Variants in TACC2 observed in about 807,000 individuals in gnomAD.
TACC2 encodes transforming acidic coiled-coil containing protein 2.
In TACC2, 137 loss-of-function variants were observed where a neutral mutation model predicts 227.3. The observed-to-expected ratio is 0.60, with a 90% CI of 0.52 to 0.69. The LOEUF (loss-of-function observed/expected upper bound fraction) is 0.69. Ranked by LOEUF, TACC2 falls within the 30% of genes least tolerant of loss-of-function variation. The pLI, the probability that TACC2 is intolerant of heterozygous loss-of-function variation, is 0.00. For missense variants in TACC2, 3,470 were observed against 3,694.4 expected, an observed-to-expected ratio of 0.94 and a Z score of 1.57; for synonymous variants, 1,523 against 1,487.5, an observed-to-expected ratio of 1.02 and a Z score of -0.55.
chr10:122,102,970 G>A (rs942224754), intron 5 of TACC2, among the ~76,000 whole-genome samples: 3 of 152,092 alleles, frequency 2.0e-5, no homozygotes, highest in Non-Finnish European at 2.9e-5. Context: ...ATGCCTCCTC[G>A]CCCTGTAACC....
chr10:122,031,830 G>C (rs1294126620), intron 2 of TACC2, among the ~76,000 whole-genome samples: 1 of 152,054 alleles, frequency 6.6e-6, no homozygotes, highest in Non-Finnish European at 1.5e-5. Flanking sequence ...TCAGCCTCCC[G>C]AGTAGCTGGG....
At chr10:122,185,668 G>T (rs2094162008) in intron 7 of TACC2, among the ~76,000 whole-genome samples, 1 of 152,206 alleles carries the variant, frequency 6.6e-6, no homozygotes, top group African/African-American at 2.4e-5. Context: ...TAATGTGCAG[G>T]ATCCTTTAGT....
In TACC2 at chr10:122,050,420, C is replaced by A; in HGVS notation, c.34-18C>A. On this transcript the variant is annotated intron_variant, in intron 2 of 22. Coordinates refer to ENST00000369005, the MANE Select transcript of TACC2 (RefSeq NM_206862.4). This position sits in a 1 kb window ranked among gnomAD's most constrained non-coding sequence, Gnocchi z 4.6. ...TCCTATCTGATTTCCTTTCCAATTT[C>A]TTTTTCTCCTGGCTCAGAGGACTTT... 6.2e-7 allele frequency: 1 copy of A among 1,600,934 alleles called. No homozygotes were observed. Among genetic ancestry groups the A allele is most frequent in the Non-Finnish European group, 8.5e-7 (1 of 1,170,552 alleles).
chr10:121,993,063 TA>T (rs1424837221), intron 1 of TACC2, among the ~76,000 whole-genome samples: 28 of 152,086 alleles, frequency 1.8e-4, no homozygotes, highest in African/African-American at 6.8e-4. Context: ...CTCACACCTG[TA>T]ATCCCAGCAC....
At position 122,210,871 on chromosome 10, in the gene TACC2, C is replaced by G. The variant is rs183608136; in HGVS notation, c.6446C>G (p.Pro2149Arg). Residue 2149 changes from proline (P) to arginine (R), a missense_variant, in exon 9 of 23, where the codon CCA (proline) becomes CGA (arginine). Around this residue, in one of 10 missense-constraint regions of TACC2, gnomAD observed 593 missense variants for 636.6 expected, o/e 0.93. Coordinates refer to ENST00000369005, the MANE Select transcript of TACC2 (RefSeq NM_206862.4). This position sits in a 1 kb window ranked among gnomAD's most constrained non-coding sequence, Gnocchi z 4.6. ...QTTKKPTETPPVKETQQEPDE... is the reference protein window; with the variant it reads ...QTTKKPTETPRVKETQQEPDE... ...ACCAAGAAACCCACAGAGACCCCCC[C>G]AGTGAAGGAGACGCAACAGGAGCCA... 3 of 1,613,682 alleles carry G rather than the reference C, an allele frequency of 1.9e-6. No individual in the cohort carries two copies. The highest frequency in any genetic ancestry group is 8.5e-7 in the Non-Finnish European group (1 of 1,179,962).
rs1455603391 is a variant in TACC2 at position 122,180,808 on chromosome 10, C to G, written c.5835-14232C>G. On this transcript the variant is annotated intron_variant, in intron 7 of 22. Coordinates refer to ENST00000369005, the MANE Select transcript of TACC2 (RefSeq NM_206862.4). The surrounding 1 kb of genome is among the most constrained non-coding windows in gnomAD (Gnocchi z 4.5). The stretch of plus-strand genomic sequence containing the variant: ...TGGATGGAGTGCAATGGCGCAGTCT[C>G]GGCTCACTGCAAACCTCTGCCTCCC... Among the ~76,000 whole-genome samples the G allele has an allele frequency of 6.6e-6, 1 of 152,014 alleles. No individual in the cohort carries two copies. Among genetic ancestry groups the G allele is most frequent in the Non-Finnish European group, 1.5e-5 (1 of 68,014 alleles).
At chr10:122,172,311 G>A (rs563951801) in intron 7 of TACC2, among the ~76,000 whole-genome samples, 1 of 152,318 alleles carries the variant, frequency 6.6e-6, no homozygotes, top group Non-Finnish European at 1.5e-5. Flanking sequence ...GAATCAGGCA[G>A]GGGAGGGCAC....
chr10:122,053,168 T>C (rs1444313801), intron 3 of TACC2, among the ~76,000 whole-genome samples: 4 of 152,298 alleles, frequency 2.6e-5, no homozygotes, highest in African/African-American at 9.6e-5. Flanking sequence ...AGAGGCTTAA[T>C]GAAGAACTTA....
chr10:122,201,666 G>T (rs925159173), intron 8 of TACC2, among the ~76,000 whole-genome samples: 4 of 152,228 alleles, frequency 2.6e-5, no homozygotes, highest in Admixed American at 2.6e-4. Flanking sequence ...GGCACAGTGG[G>T]CCATGGATGG....
chr10:122,181,887 T>C (rs191342367), intron 7 of TACC2, among the ~76,000 whole-genome samples: 1 of 152,328 alleles, frequency 6.6e-6, no homozygotes, highest in East Asian at 1.9e-4. Context: ...TTCTTTTTTT[T>C]ATCATGTAAA....
At position 122,230,482 on chromosome 10, in the gene TACC2, A is replaced by AT. The variant is rs774966334; in HGVS notation, c.8127+43dup. 2.5e-5 allele frequency: 39 copies of AT among 1,568,216 alleles called. 1 individual carries two copies. In the East Asian group the frequency reaches 4.3e-4, roughly 17 times the overall value. On this transcript the variant is annotated intron_variant, in intron 16 of 22. Coordinates refer to ENST00000369005, the MANE Select transcript of TACC2 (RefSeq NM_206862.4). ...GCGTGCGCCACCTCCTGAGAATGTC[A>AT]TGTGTGCCGCTGGGGTCCAGAAGCT...
intron 2 of TACC2, among the ~76,000 whole-genome samples, chr10:122,041,441 C>CTTTTTTTTTTTTTTTTTTTTTTTTTTTT (rs537169387): frequency 7.1e-6 from 1 of 140,190 alleles, no homozygotes; most frequent in Non-Finnish European, 1.5e-5. Context: ...AGTTTCCTTT[C>CTTTTTTTTTTTTTTTTTTTTTTTTTTTT]TTTTTTTTTT....
At chr10:122,109,676 C>G (rs10887072) in intron 5 of TACC2, among the ~76,000 whole-genome samples, 47,902 of 152,162 alleles carry the variant, frequency 0.31, 8,913 homozygotes, top group South Asian at 0.43. Flanking sequence ...GTGATGCTAT[C>G]TGGCATTTGC....
intron 19 of TACC2, among the ~76,000 whole-genome samples, chr10:122,243,299 G>A: frequency 6.6e-6 from 1 of 152,130 alleles, no homozygotes; most frequent in East Asian, 1.9e-4. Flanking sequence ...CCAGGTCACT[G>A]CAGACCACGC....
chr10:122,227,127 C>G (rs1307754512), intron 13 of TACC2, among the ~76,000 whole-genome samples: 1 of 152,210 alleles, frequency 6.6e-6, no homozygotes, highest in Non-Finnish European at 1.5e-5. Context: ...GGCACTCTGT[C>G]TACCAGAGAG....
At chr10:122,225,474 C>T (rs539706726) in intron 12 of TACC2, among the ~76,000 whole-genome samples, 2 of 152,196 alleles carry the variant, frequency 1.3e-5, no homozygotes, top group Admixed American at 6.5e-5. Flanking sequence ...TTAACTCATG[C>T]GCCACGTCAG....
intron 7 of TACC2, among the ~76,000 whole-genome samples, chr10:122,186,086 G>T (rs942153830): frequency 6.6e-6 from 1 of 151,776 alleles, no homozygotes; most frequent in Non-Finnish European, 1.5e-5. Flanking sequence ...CCACCAGTAC[G>T]CCTGGCTAAT....
At chr10:122,169,466 G>A (rs934288327) in intron 7 of TACC2, among the ~76,000 whole-genome samples, 7 of 152,318 alleles carry the variant, frequency 4.6e-5, no homozygotes, top group Middle Eastern at 3.4e-3. Context: ...GGGCCATTCC[G>A]TCTTTGTGCA....
At position 122,115,870 on chromosome 10, in the gene TACC2, G is replaced by T. The variant is rs190496225; in HGVS notation, c.5574-16739G>T. ...TTGCAACTTTTGCACAGATGATCAG[G>T]AGGTGGTTTAGGAAGCTGGCAATAA... is the stretch of plus-strand genomic sequence containing the variant. On this transcript the variant is annotated intron_variant, in intron 5 of 22. Coordinates refer to ENST00000369005, the MANE Select transcript of TACC2 (RefSeq NM_206862.4). Among the ~76,000 whole-genome samples the T allele has an allele frequency of 8.7e-4, 132 of 152,296 alleles. 2 individuals are homozygous for T. In the South Asian group the frequency reaches 0.018, roughly 21 times the overall value.
Sources: gnomAD v4.1 joint callset for allele counts (sites outside exome capture counted in the v4.1 genomes callset) on GRCh38, gnomAD v4.1.1 for gene constraint, gnomAD v4.1.1 regional missense constraint, Gnocchi (gnomAD v3.1) non-coding constraint, MANE v1.5 for transcripts, NCBI Gene and HGNC (gene_info 2026-07-23, HGNC 2026-07-21) for gene names.